Variants in NEURL1 observed in about 807,000 individuals in gnomAD.
NEURL1 encodes the protein neuralized E3 ubiquitin protein ligase 1, also known as E3 ubiquitin-protein ligase NEURL1.
A neutral mutation model predicts 41.2 loss-of-function variants in NEURL1; 26 were observed. That is an observed-to-expected ratio of 0.63 (90% CI 0.46 to 0.87). The LOEUF (loss-of-function observed/expected upper bound fraction) is 0.87, where lower values mean the gene tolerates loss of function less well. Among genes scored for constraint, NEURL1 ranks in the 40% least tolerant of loss-of-function variants. NEURL1 has a pLI of 0.00. For missense variants in NEURL1, 761 were observed against 871.1 expected, an observed-to-expected ratio of 0.87 and a Z score of 1.59; for synonymous variants, 400 against 402.3, an observed-to-expected ratio of 0.99 and a Z score of 0.07.
At chr10:103,553,136 G>A (rs996067144) in intron 1 of NEURL1, among the ~76,000 whole-genome samples, 3 of 152,134 alleles carry the variant, frequency 2.0e-5, no homozygotes, top group Non-Finnish European at 4.4e-5. Flanking sequence ...GCTGCTACAG[G>A]AACAGCCTCC....
chr10:103,582,490 AT>A (rs2035803189), intron 3 of NEURL1, among the ~76,000 whole-genome samples: 1 of 151,722 alleles, frequency 6.6e-6, no homozygotes, highest in Admixed American at 6.6e-5. Context: ...GGAAACCCCA[AT>A]CAGCCAGGCC....
intron 4 of NEURL1, among the ~76,000 whole-genome samples, chr10:103,586,791 G>A (rs1303041771): frequency 1.3e-5 from 2 of 152,200 alleles, no homozygotes; most frequent in Non-Finnish European, 2.9e-5. Context: ...GCTCACATCT[G>A]TAATCCCAGC....
rs112183376 is a variant in NEURL1, at chr10:103,534,925, C to T, written c.86-35947C>T. Among the ~76,000 whole-genome samples the T allele has an allele frequency of 1.4e-3, 211 of 152,210 alleles. 2 individuals are homozygous for T. Among genetic ancestry groups the T allele is most frequent in the African/African-American group, 3.7e-3 (152 of 41,516 alleles). ...GCTCAGCCCCATAGGCTGGGTTGTA[C>T]CTGTGATTCTACTGCTGGGAGGGAG... is the stretch of plus-strand genomic sequence containing the variant. On this transcript the variant is annotated intron_variant, in intron 1 of 5. Transcript: ENST00000369780.
intron 1 of NEURL1, among the ~76,000 whole-genome samples, chr10:103,539,596 A>G (rs894303493): frequency 7.2e-5 from 11 of 152,224 alleles, no homozygotes; most frequent in African/African-American, 1.2e-4. Context: ...GTGTGGGGAC[A>G]CCAGGGAAGA....
intron 4 of NEURL1, among the ~76,000 whole-genome samples, chr10:103,589,249 G>C (rs140072029): frequency 1.3e-5 from 2 of 152,342 alleles, no homozygotes; most frequent in East Asian, 3.9e-4. Context: ...GTTTTAACAA[G>C]AAGAAAGCAG....
chr10:103,494,630 G>T, intron 1 of NEURL1, 158 bp downstream of exon 1: 3 of 633,868 alleles, frequency 4.7e-6, no homozygotes, highest in South Asian at 4.1e-5. Context: ...GAGGGCAGCC[G>T]GCGATGATGG....
chr10:103,584,880 G>A lies in NEURL1; in HGVS notation c.994G>A (p.Val332Met), dbSNP rs924900960. 1.4e-5 allele frequency: 18 copies of A among 1,322,874 alleles called. No individual in the cohort carries two copies. The highest frequency in any genetic ancestry group is 3.5e-5 in the Admixed American group (1 of 28,318). 81.9% of individuals were successfully genotyped at this position (1,322,874 alleles called of 1,614,324 possible). ...ERALVFTSRPVRVAETIFVKV... is the reference protein window; with the variant it reads ...ERALVFTSRPMRVAETIFVKV... ...CGCGCTCGTCTTCACCAGCCGGCCC[G>A]TGCGCGTGGCCGAGACCATCTTCGT... Residue 332 changes from valine to methionine, a missense_variant, in exon 4 of 6, where the codon GTG (valine) becomes ATG (methionine). Around this residue, in one of 5 missense-constraint regions of NEURL1, gnomAD observed 443 missense variants for 408.1 expected, o/e 1.09. Coordinates refer to ENST00000369780, the MANE Select transcript of NEURL1 (RefSeq NM_004210.5).
intron 3 of NEURL1, 88 bp downstream of exon 3, chr10:103,571,910 G>A: frequency 7.7e-7 from 1 of 1,297,898 alleles, no homozygotes; most frequent in Non-Finnish European, 1.0e-6. Context: ...ATCCCATCAG[G>A]CGTAGGGACC....
chr10:103,494,652 G>A, intron 1 of NEURL1, 180 bp downstream of exon 1: 1 of 589,988 alleles, frequency 1.7e-6, no homozygotes, highest in Non-Finnish European at 2.9e-6. Context: ...GATGGAGGAT[G>A]GCGTCCCGCG....
chr10:103,557,788 C>T (rs985652750), intron 1 of NEURL1, among the ~76,000 whole-genome samples: 8 of 152,344 alleles, frequency 5.3e-5, no homozygotes, highest in Non-Finnish European at 8.8e-5. Context: ...CAGCGGGAGA[C>T]GCAGGGGTTT....
chr10:103,518,702 C>G (rs528318009), intron 1 of NEURL1, among the ~76,000 whole-genome samples: 1 of 152,252 alleles, frequency 6.6e-6, no homozygotes, highest in South Asian at 2.1e-4. Context: ...TCTTGGGGAA[C>G]AACTCTATTC....
At chr10:103,503,634 C>T (rs572710144) in intron 1 of NEURL1, among the ~76,000 whole-genome samples, 23 of 152,180 alleles carry the variant, frequency 1.5e-4, no homozygotes, top group Non-Finnish European at 1.5e-4. Flanking sequence ...CACGCCGATA[C>T]GGTGAGAAAT....
chr10:103,555,550 G>A (rs977420996), intron 1 of NEURL1: 18 of 657,848 alleles, frequency 2.7e-5, no homozygotes, highest in Middle Eastern at 6.9e-4. Context: ...GGGGCTGTGT[G>A]GGGGCACCTT....
intron 1 of NEURL1, among the ~76,000 whole-genome samples, chr10:103,526,074 T>C (rs370654927): frequency 3.1e-4 from 47 of 152,326 alleles, no homozygotes; most frequent in African/African-American, 1.1e-3. Flanking sequence ...GTTGTATCCC[T>C]GAGATAAATT....
chr10:103,590,427 C>T lies in NEURL1; in HGVS notation c.*55C>T, dbSNP rs1042159084. The stretch of plus-strand genomic sequence containing the variant: ...ATCTTCTCGGGCTTCAGCCCAGTCC[C>T]AGCTGAGGAACAAGCCAGTGGGGCC... On this transcript the variant is annotated 3_prime_UTR_variant, in exon 6 of 6. Coordinates refer to ENST00000369780, the MANE Select transcript of NEURL1 (RefSeq NM_004210.5). 6 of 1,490,894 alleles carry T rather than the reference C, an allele frequency of 4.0e-6. No homozygotes were observed. In the African/African-American group the frequency reaches 8.3e-5, roughly 21 times the overall value. The allele number at this position is 1,490,894 out of a possible 1,614,324, so 92.4% of individuals were successfully genotyped here.
At chr10:103,543,072 C>T (rs1262743476) in intron 1 of NEURL1, among the ~76,000 whole-genome samples, 1 of 152,166 alleles carries the variant, frequency 6.6e-6, no homozygotes, top group Non-Finnish European at 1.5e-5. Flanking sequence ...ATGGTTTATG[C>T]AAATGAGCTG....
rs1465008727 is a variant in NEURL1 at position 103,494,407 on chromosome 10, G to A, written c.20G>A (p.Ser7Asn). The A allele has an allele frequency of 1.9e-6, 3 of 1,596,874 alleles. No homozygotes were observed. Among genetic ancestry groups the A allele is most frequent in the Admixed American group, 3.4e-5 (2 of 58,206 alleles). Residue 7 changes from serine to asparagine, a missense_variant, in exon 1 of 6, where the codon AGT becomes AAT. Ser to Asn is a conservative substitution (Grantham distance 46). Around this residue, in one of 5 missense-constraint regions of NEURL1, gnomAD observed 94 missense variants for 96.6 expected, o/e 0.97. Coordinates refer to ENST00000369780, the MANE Select transcript of NEURL1 (RefSeq NM_004210.5). ...GATGCCATGGGTAACAACTTCTCCA[G>A]TATCCCCTCGCTGCCCCGAGGAAAC... is the stretch of plus-strand genomic sequence containing the variant. MGNNFS[S>N]IPSLPRGNPS...
rs533429102 is a variant in NEURL1, at chr10:103,553,540, G to A, written c.86-17332G>A. The stretch of plus-strand genomic sequence containing the variant: ...CCTCTGGCTCAGGGGAGCATCGGCC[G>A]ACTGGGCTTGCTCTCCCCCAGATCC... On this transcript the variant is annotated intron_variant, in intron 1 of 5. Coordinates refer to ENST00000369780, the MANE Select transcript of NEURL1 (RefSeq NM_004210.5). 3.3e-5 allele frequency among the ~76,000 whole-genome samples: 5 copies of A among 152,258 alleles called. No individual in the cohort carries two copies. The East Asian group carries it at 9.7e-4, about 29-fold the overall frequency.
At chr10:103,517,358 C>T (rs1292544445) in intron 1 of NEURL1, 1 of 152,210 alleles carries the variant, frequency 6.6e-6, no homozygotes, top group Non-Finnish European at 1.5e-5. Context: ...CTTCTTCAAA[C>T]TTCTAATAAT....
Sources: allele counts gnomAD v4.1 joint callset (sites outside exome capture counted in the v4.1 genomes callset), GRCh38; gene constraint gnomAD v4.1.1; regional missense constraint gnomAD v4.1.1; transcripts MANE v1.5; gene names NCBI Gene and HGNC (gene_info 2026-07-23, HGNC 2026-07-21).